BICD1: variants seen among roughly 807,000 people sequenced by gnomAD.
The protein encoded by BICD1 is BICD cargo adaptor 1.
A neutral mutation model predicts 92.5 loss-of-function variants in BICD1; 35 were observed. That is an observed-to-expected ratio of 0.38 (90% CI 0.29 to 0.50). The LOEUF (loss-of-function observed/expected upper bound fraction) is 0.50, where lower values mean the gene tolerates loss of function less well. Ranked by LOEUF, BICD1 falls within the 20% of genes least tolerant of loss-of-function variation. BICD1 has a pLI of 0.93. For missense variants in BICD1, 950 were observed against 1,189.8 expected, an observed-to-expected ratio of 0.80 and a Z score of 2.97; for synonymous variants, 429 against 465.1, an observed-to-expected ratio of 0.92 and a Z score of 1.00.
At chr12:32,136,863 C>T (rs1370293983) in intron 1 of BICD1, among the ~76,000 whole-genome samples, 2 of 152,174 alleles carry the variant, frequency 1.3e-5, no homozygotes, top group Non-Finnish European at 2.9e-5. Context: ...CCCATACTCA[C>T]CTTGTCCACT....
At chr12:32,124,894 T>C (rs1458975603) in intron 1 of BICD1, among the ~76,000 whole-genome samples, 2 of 152,156 alleles carry the variant, frequency 1.3e-5, no homozygotes, top group African/African-American at 4.8e-5. Context: ...CTTGTCAGTT[T>C]CTGCCAGCCA....
intron 1 of BICD1, among the ~76,000 whole-genome samples, chr12:32,154,846 A>G (rs182891599): frequency 6.6e-6 from 1 of 152,318 alleles, no homozygotes; most frequent in East Asian, 1.9e-4. Context: ...CCTTAATCAT[A>G]CACTAAATGG....
At chr12:32,241,256 C>A (rs1946227820) in intron 2 of BICD1, among the ~76,000 whole-genome samples, 1 of 152,236 alleles carries the variant, frequency 6.6e-6, no homozygotes, top group African/African-American at 2.4e-5. Context: ...TAAGCACCTA[C>A]TCTGTGCAAA....
chr12:32,342,230 ATATG>A (rs1378819526), intron 8 of BICD1, among the ~76,000 whole-genome samples: 5 of 136,076 alleles, frequency 3.7e-5, no homozygotes, highest in Non-Finnish European at 7.8e-5. Flanking sequence ...ATATATATAT[ATATG>A]TATAGTTTTG....
intron 1 of BICD1, among the ~76,000 whole-genome samples, chr12:32,137,455 T>G (rs1675587353): frequency 6.6e-6 from 1 of 152,152 alleles, no homozygotes; most frequent in Non-Finnish European, 1.5e-5. Flanking sequence ...TCTCAGATAC[T>G]TAGTGTAGCA....
At chr12:32,294,620 TAAAAAAAAAAAAA>T (rs60052535) in intron 3 of BICD1, among the ~76,000 whole-genome samples, 3 of 65,628 alleles carry the variant, frequency 4.6e-5, no homozygotes, top group South Asian at 1.2e-3. Context: ...GACTCCGTCT[TAAAAAAAAAAAAA>T]AAAAAAAAAA....
intron 1 of BICD1, among the ~76,000 whole-genome samples, chr12:32,175,187 C>T (rs1210012399): frequency 6.6e-6 from 1 of 152,152 alleles, no homozygotes; most frequent in Non-Finnish European, 1.5e-5. Context: ...AGTTTATCCC[C>T]AGCATTCTGG....
At chr12:32,165,023 G>A (rs1438604672) in intron 1 of BICD1, among the ~76,000 whole-genome samples, 2 of 152,158 alleles carry the variant, frequency 1.3e-5, no homozygotes, top group South Asian at 2.1e-4. Context: ...GCACAGGGAG[G>A]TCTCTCGAGA....
chr12:32,147,384 T>G (rs1423046449), intron 1 of BICD1, among the ~76,000 whole-genome samples: 1 of 152,178 alleles, frequency 6.6e-6, no homozygotes, highest in East Asian at 1.9e-4. Flanking sequence ...TGAAAGGTCG[T>G]TCAGGTGGCG....
intron 1 of BICD1, among the ~76,000 whole-genome samples, chr12:32,155,134 A>G (rs1221207779): frequency 6.6e-6 from 1 of 152,200 alleles, no homozygotes; most frequent in Non-Finnish European, 1.5e-5. Flanking sequence ...TTTTAAATCC[A>G]CAGTGTAGAT....
chr12:32,270,984 CA>C (rs1947124440), intron 2 of BICD1, among the ~76,000 whole-genome samples: 1 of 152,188 alleles, frequency 6.6e-6, no homozygotes, highest in Non-Finnish European at 1.5e-5. Context: ...AGCCGGAAGC[CA>C]CCATGCGCTG....
rs892324299 is a variant in BICD1, at chr12:32,168,371, GACCCTCAGTTCAT to G, written c.214-47873_214-47861del. Among the ~76,000 whole-genome samples, 13 of 152,124 alleles carry G rather than the reference GACCCTCAGTTCAT, an allele frequency of 8.5e-5. No individual in the cohort carries two copies. In the Middle Eastern group the frequency reaches 0.017, roughly 199 times the overall value. On this transcript the variant is annotated intron_variant, in intron 1 of 9. Coordinates refer to ENST00000652176, the MANE Select transcript of BICD1 (RefSeq NM_001714.4). The stretch of plus-strand genomic sequence containing the variant: ...GGCTTGGGTGAGTCATTTCTTTGAA[GACCCTCAGTTCAT>G]ACTAAGGGGCAAAAGCAGATGAGGG...
chr12:32,240,123 A>C (rs1241288628), intron 2 of BICD1, among the ~76,000 whole-genome samples: 1 of 152,208 alleles, frequency 6.6e-6, no homozygotes, highest in Non-Finnish European at 1.5e-5. Context: ...AGATTTTGTC[A>C]GTTAGAGTTT....
At chr12:32,150,508 C>T (rs1201929513) in intron 1 of BICD1, among the ~76,000 whole-genome samples, 1 of 152,078 alleles carries the variant, frequency 6.6e-6, no homozygotes, top group Non-Finnish European at 1.5e-5. Context: ...AAGAATTGTG[C>T]TTGACTGAGC....
intron 1 of BICD1, among the ~76,000 whole-genome samples, chr12:32,129,205 G>A (rs780225003): frequency 3.3e-5 from 5 of 151,600 alleles, no homozygotes; most frequent in Non-Finnish European, 5.9e-5. Context: ...AAAGTGCTGG[G>A]GTTAGAGGCC....
chr12:32,342,051 A>G (rs1282952018), intron 8 of BICD1, among the ~76,000 whole-genome samples: 2 of 151,002 alleles, frequency 1.3e-5, no homozygotes, highest in Non-Finnish European at 3.0e-5. Context: ...AACAATATCT[A>G]TTAATCATTT....
chr12:32,178,473 A>C (rs1457565170), intron 1 of BICD1, among the ~76,000 whole-genome samples: 1 of 151,916 alleles, frequency 6.6e-6, no homozygotes, highest in African/African-American at 2.4e-5. Flanking sequence ...GCTCGGCCCC[A>C]GTTCTTGCTG....
At chr12:32,116,508 CTCTA>C (rs1475627993) in intron 1 of BICD1, among the ~76,000 whole-genome samples, 330 of 94,232 alleles carry the variant, frequency 3.5e-3, no homozygotes, top group African/African-American at 0.011. Flanking sequence ...CTCTCTCTCT[CTCTA>C]TATATATATA....
intron 2 of BICD1, among the ~76,000 whole-genome samples, chr12:32,241,075 A>G (rs1946223497): frequency 1.3e-5 from 2 of 152,210 alleles, no homozygotes; most frequent in African/African-American, 4.8e-5. Context: ...CAAATCCACC[A>G]TTAAGCTTCA....
Sources: gnomAD v4.1 joint callset for allele counts (sites outside exome capture counted in the v4.1 genomes callset) on GRCh38, gnomAD v4.1.1 for gene constraint, MANE v1.5 for transcripts, NCBI Gene and HGNC (gene_info 2026-07-23, HGNC 2026-07-21) for gene names.